Variants in PIGG observed in about 807,000 individuals in gnomAD.
PIGG encodes the protein phosphatidylinositol glycan anchor biosynthesis class G (EMM blood group), also known as GPI ethanolamine phosphate transferase 2, catalytic subunit.
In PIGG, 70 loss-of-function variants were observed where a neutral mutation model predicts 83.2. The observed-to-expected ratio is 0.84, with a 90% CI of 0.69 to 1.03. The LOEUF (loss-of-function observed/expected upper bound fraction) is 1.03, where lower values mean the gene tolerates loss of function less well. Ranked by LOEUF, PIGG falls within the 50% of genes least tolerant of loss-of-function variation. The probability of loss-of-function intolerance (pLI) is 0.00; values close to 1 mark genes in which losing one functional copy is unlikely to be tolerated. For missense variants in PIGG, 1,257 were observed against 1,233.6 expected, an observed-to-expected ratio of 1.02 and a Z score of -0.28; for synonymous variants, 532 against 519.5, an observed-to-expected ratio of 1.02 and a Z score of -0.33.
At chr4:534,040 T>C (rs1035776823) in intron 12 of PIGG, 59 bp downstream of exon 12, 85 of 1,504,272 alleles carry the variant, frequency 5.7e-5, no homozygotes, top group Non-Finnish European at 7.5e-5. Flanking sequence ...GTTTTAAGGG[T>C]CGTACTTTGT....
intron 8 of PIGG, 76 bp downstream of exon 8, chr4:522,017 C>A: frequency 1.3e-6 from 2 of 1,508,382 alleles, no homozygotes; most frequent in African/African-American, 1.4e-5. Context: ...GGCTGCCTTT[C>A]GTTTACCAGA....
rs1423254763 is a variant in PIGG at position 499,649 on chromosome 4, CTT to C, written c.154+163_154+164del. 2.7e-5 allele frequency: 39 copies of C among 1,419,194 alleles called. No individual in the cohort carries two copies. The African/African-American group carries it at 5.1e-4, about 18-fold the overall frequency. The allele number at this position is 1,419,194 out of a possible 1,614,324, so 87.9% of individuals were successfully genotyped here. A position where few individuals can be genotyped will look rare whatever the true frequency, so the allele number is the denominator to read the frequency against. ...ATTTTTTTTAACCGCTCCAGCGTCT[CTT>C]TTCTGTATTCTTACAACTTTGTGGC... On this transcript the variant is annotated intron_variant, in intron 1 of 12. Transcript: ENST00000453061.
chr4:512,009 T>G (rs1205041340), intron 5 of PIGG, among the ~76,000 whole-genome samples: 1 of 152,206 alleles, frequency 6.6e-6, no homozygotes, highest in South Asian at 2.1e-4. Context: ...TTTGCTATAA[T>G]GTATCTGTAT....
intron 6 of PIGG, among the ~76,000 whole-genome samples, chr4:517,833 A>C (rs1724449229): frequency 1.3e-5 from 2 of 152,114 alleles, no homozygotes. Flanking sequence ...GGATGTCTTC[A>C]GACAATCGAC....
In PIGG at chr4:520,312, GGCTCACGCATCA is replaced by G. The variant is rs1354012998; in HGVS notation, c.1115-741_1115-730del. Among the ~76,000 whole-genome samples, 5 of 152,216 alleles carry G rather than the reference GGCTCACGCATCA, an allele frequency of 3.3e-5. No homozygotes were observed. In the East Asian group the frequency reaches 7.7e-4, roughly 23 times the overall value. On this transcript the variant is annotated intron_variant, in intron 6 of 12. Transcript: ENST00000453061. ...CACAAGTGAGTGTGGTCCCGGCAGA[GGCTCACGCATCA>G]GCCAGCTCGGGAAAGAAAGAACATC...
At chr4:527,302 T>C in intron 10 of PIGG, 72 bp downstream of exon 10, 1 of 1,465,776 alleles carries the variant, frequency 6.8e-7, no homozygotes. Flanking sequence ...ACGGGGCGCG[T>C]GGAACCACTT....
At chr4:511,046 C>T (rs1316528927) in intron 5 of PIGG, among the ~76,000 whole-genome samples, 1 of 152,166 alleles carries the variant, frequency 6.6e-6, no homozygotes, top group African/African-American at 2.4e-5. Context: ...GTAATCCCAG[C>T]ACTTTGGGAG....
At chr4:517,192 A>C (rs904605186) in intron 6 of PIGG, among the ~76,000 whole-genome samples, 1 of 152,154 alleles carries the variant, frequency 6.6e-6, no homozygotes, top group African/African-American at 2.4e-5. Context: ...AGGCTGTCTC[A>C]GGCGCCCTCG....
intron 5 of PIGG, among the ~76,000 whole-genome samples, chr4:513,225 TA>T (rs1391285134): frequency 3.9e-5 from 6 of 152,250 alleles, no homozygotes; most frequent in African/African-American, 1.4e-4. Context: ...ATGCTTGTTT[TA>T]TTGATAAGCA....
At chr4:535,915 C>T (rs1424943166) in intron 12 of PIGG, among the ~76,000 whole-genome samples, 1 of 152,212 alleles carries the variant, frequency 6.6e-6, no homozygotes, top group East Asian at 1.9e-4. Flanking sequence ...CCCAGATGCC[C>T]AGCCCCCTGT....
At chr4:512,423 G>A (rs1269784144) in intron 5 of PIGG, among the ~76,000 whole-genome samples, 1 of 151,524 alleles carries the variant, frequency 6.6e-6, no homozygotes, top group Non-Finnish European at 1.5e-5. Context: ...CACATTATTG[G>A]CCAGGCCGAT....
At chr4:503,252 T>C (rs1449620737) in intron 2 of PIGG, among the ~76,000 whole-genome samples, 1 of 152,194 alleles carries the variant, frequency 6.6e-6, no homozygotes, top group Non-Finnish European at 1.5e-5. Flanking sequence ...TGAACTGTTA[T>C]AAATGCCCTA....
chr4:538,744 C>A (rs1326485145), intron 12 of PIGG, among the ~76,000 whole-genome samples: 1 of 152,170 alleles, frequency 6.6e-6, no homozygotes, highest in South Asian at 2.1e-4. Context: ...AGTGGCACTT[C>A]CAGCACATAC....
At chr4:505,992 C>A in intron 3 of PIGG, 65 bp downstream of exon 3, 1 of 1,098,866 alleles carries the variant, frequency 9.1e-7, no homozygotes, top group Non-Finnish European at 1.4e-6. Flanking sequence ...CCTGGCATCC[C>A]ATTACTTAGT....
chr4:522,034 T>C, intron 8 of PIGG, 93 bp downstream of exon 8: 1 of 1,372,826 alleles, frequency 7.3e-7, no homozygotes, highest in Non-Finnish European at 1.0e-6. Flanking sequence ...CAGACTCTGG[T>C]TGAACACCTG....
At position 505,729 on chromosome 4, in the gene PIGG, G is replaced by A. The variant is rs559827237; in HGVS notation, c.372G>A (p.Thr124=). The change falls in exon 3 of 13, where the codon ACG becomes ACA. Residue 124 remains threonine, a synonymous_variant. Transcript: ENST00000453061. ...VTMPRIKALM[T]GSLPGFVDVI... is the part of the protein sequence containing the mutation. ...TTTTCTGACTGCAGGCATTGATGAC[G>A]GGGAGCCTTCCTGGCTTTGTCGACG... 9.3e-6 allele frequency: 15 copies of A among 1,613,044 alleles called. No homozygotes were observed. Among genetic ancestry groups the A allele is most frequent in the African/African-American group, 2.7e-5 (2 of 74,726 alleles).
rs782381516 is a variant in PIGG at position 507,496 on chromosome 4, T to C, written c.662T>C (p.Ile221Thr). ...LILHYLGLDH[I>T]GHISGPNSPL... is the part of the protein sequence containing the mutation. ...CTCCACTACCTGGGGCTGGACCACA[T>C]TGGCCACATTTCAGGGCCCAACAGC... Residue 221 changes from isoleucine (I) to threonine (T), a missense_variant, in exon 4 of 13, where the codon ATT becomes ACT. By Grantham distance (89) the Ile-to-Thr change is moderately conservative. Transcript: ENST00000453061. 2.1e-5 allele frequency: 34 copies of C among 1,614,144 alleles called. No homozygotes were observed. Among genetic ancestry groups the C allele is most frequent in the Non-Finnish European group, 2.8e-5 (33 of 1,179,984 alleles).
rs536212578 is a variant in PIGG, at chr4:499,672, G to A, written c.154+183G>A. The A allele has an allele frequency of 8.5e-6, 12 of 1,409,596 alleles. No homozygotes were observed. In the East Asian group the frequency reaches 2.9e-4, roughly 34 times the overall value. 87.3% of individuals were successfully genotyped at this position (1,409,596 alleles called of 1,614,324 possible). On this transcript the variant is annotated intron_variant, in intron 1 of 12. Transcript: ENST00000453061. ...CTCTTTTCTGTATTCTTACAACTTT[G>A]TGGCAACCACCTCTACTGGCCCCAC...
rs748676621 is a variant in PIGG, at chr4:507,512, G to T, written c.678G>T (p.Gly226=). 150 of 1,614,060 alleles carry T rather than the reference G, an allele frequency of 9.3e-5. No homozygotes were observed. The highest frequency in any genetic ancestry group is 1.2e-4 in the Non-Finnish European group (145 of 1,180,020). The change falls in exon 4 of 13, where the codon GGG becomes GGT. Residue 226 remains glycine, a synonymous_variant. Coordinates refer to ENST00000453061, the MANE Select transcript of PIGG (RefSeq NM_001127178.3). ...LGLDHIGHIS[G]PNSPLIGQKL... is the part of the protein sequence containing the mutation. Reference sequence around the variant, plus strand: ...TGGACCACATTGGCCACATTTCAGGGCCCAACAGCCCCCTGATTGGGCAGA... The same window carrying T: ...TGGACCACATTGGCCACATTTCAGGTCCCAACAGCCCCCTGATTGGGCAGA...
Sources: allele counts gnomAD v4.1 joint callset (sites outside exome capture counted in the v4.1 genomes callset), GRCh38; gene constraint gnomAD v4.1.1; transcripts MANE v1.5; gene names NCBI Gene and HGNC (gene_info 2026-07-23, HGNC 2026-07-21).